The following CALCR variants were observed in gnomAD, a reference collection of about 807,000 sequenced individuals.
CALCR encodes the protein calcitonin receptor.
In CALCR, 47 loss-of-function variants were observed where a neutral mutation model predicts 59.5. The observed-to-expected ratio is 0.79, with a 90% CI of 0.63 to 1.01. The LOEUF (loss-of-function observed/expected upper bound fraction) is 1.01. Among genes scored for constraint, CALCR ranks in the 50% least tolerant of loss-of-function variants. The pLI, the probability that CALCR is intolerant of heterozygous loss-of-function variation, is 0.00. For synonymous variants in CALCR, 213 were observed against 211.3 expected (o/e 1.01, Z -0.07); for missense variants, 566 against 597.1 (o/e 0.95, Z 0.54).
At chr7:93,564,186 C>T (rs1175526232) in intron 2 of CALCR, among the ~76,000 whole-genome samples, 2 of 151,924 alleles carry the variant, frequency 1.3e-5, no homozygotes, top group African/African-American at 4.8e-5. Context: ...AGTGCCAACA[C>T]TATCATTTAA....
chr7:93,534,785 C>A (rs559405269), intron 2 of CALCR, among the ~76,000 whole-genome samples: 5 of 151,640 alleles, frequency 3.3e-5, no homozygotes, highest in Admixed American at 2.6e-4. Flanking sequence ...AAACACACAG[C>A]TGTTACAAGA....
intron 2 of CALCR, among the ~76,000 whole-genome samples, chr7:93,546,806 C>T (rs866641999): frequency 2.4e-4 from 37 of 152,038 alleles, no homozygotes; most frequent in African/African-American, 8.9e-4. Context: ...AGTGATCCAC[C>T]TGCCTTGGCC....
At chr7:93,480,507 C>T (rs559310330) in intron 3 of CALCR, among the ~76,000 whole-genome samples, 2 of 151,818 alleles carry the variant, frequency 1.3e-5, no homozygotes, top group South Asian at 4.1e-4. Flanking sequence ...TGAAGTTTCT[C>T]CAATTGTATT....
At chr7:93,430,740 T>C (rs1183258970) in intron 13 of CALCR, among the ~76,000 whole-genome samples, 1 of 152,178 alleles carries the variant, frequency 6.6e-6, no homozygotes, top group African/African-American at 2.4e-5. Context: ...TGGTTAGAAA[T>C]GCAAATTCTC....
rs4015274 is a variant in CALCR at position 93,475,542 on chromosome 7, GT to G, written c.316+2015del. Among the ~76,000 whole-genome samples, 15 of 149,942 alleles carry G rather than the reference GT, an allele frequency of 1.0e-4. 1 individual carries two copies. Among genetic ancestry groups the G allele is most frequent in the South Asian group, 8.4e-4 (4 of 4,776 alleles). ...TATATTTATTAGATTGCAGAAAGTA[GT>G]TTTTTTTTTAAATAAAATGAATGTA... is the stretch of plus-strand genomic sequence containing the variant. On this transcript the variant is annotated intron_variant, in intron 5 of 13. Coordinates refer to ENST00000426151, the MANE Select transcript of CALCR (RefSeq NM_001742.4).
At chr7:93,505,636 A>G (rs1005764138) in intron 2 of CALCR, among the ~76,000 whole-genome samples, 1 of 152,118 alleles carries the variant, frequency 6.6e-6, no homozygotes, top group African/African-American at 2.4e-5. Flanking sequence ...TCTTATCTCC[A>G]CTATAATACG....
chr7:93,503,652 T>C (rs1801369198), intron 2 of CALCR, among the ~76,000 whole-genome samples: 1 of 152,176 alleles, frequency 6.6e-6, no homozygotes, highest in Non-Finnish European at 1.5e-5. Flanking sequence ...TTTTGTGCAC[T>C]GTTGCTGATA....
Position 93,427,690 on chromosome 7 carries a change from A to C in CALCR, c.1192-1101T>G, listed in dbSNP as rs372001110. ...GATGAGAAAAATGACAGCAAAACTG[A>C]TTAATGTTATAAAACTATATGTATA... On this transcript the variant is annotated intron_variant, in intron 13 of 13. Coordinates refer to ENST00000426151, the MANE Select transcript of CALCR (RefSeq NM_001742.4). Among the ~76,000 whole-genome samples, 38 of 152,286 alleles carry C rather than the reference A, an allele frequency of 2.5e-4. No homozygotes were observed. The South Asian group carries it at 6.8e-3, about 27-fold the overall frequency.
chr7:93,527,142 A>G (rs1788676440), intron 2 of CALCR, among the ~76,000 whole-genome samples: 1 of 151,938 alleles, frequency 6.6e-6, no homozygotes, highest in African/African-American at 2.4e-5. Context: ...GATTCACTCA[A>G]TAACATATCT....
chr7:93,456,571 C>G (rs1038785806), intron 8 of CALCR, among the ~76,000 whole-genome samples: 1 of 152,006 alleles, frequency 6.6e-6, no homozygotes, highest in Non-Finnish European at 1.5e-5. Flanking sequence ...AGATATGTTT[C>G]CAAAATAGTA....
chr7:93,531,703 C>T (rs1464068022), intron 2 of CALCR, among the ~76,000 whole-genome samples: 2 of 151,958 alleles, frequency 1.3e-5, no homozygotes, highest in African/African-American at 4.8e-5. Flanking sequence ...GTTTCCATGT[C>T]AACAATGCCA....
At chr7:93,527,024 T>C (rs1031809684) in intron 2 of CALCR, among the ~76,000 whole-genome samples, 5 of 152,032 alleles carry the variant, frequency 3.3e-5, no homozygotes, top group African/African-American at 1.2e-4. Context: ...TTTTTCTTCA[T>C]ACCTGATCTC....
intron 3 of CALCR, among the ~76,000 whole-genome samples, chr7:93,483,405 CTG>C (rs1800844731): frequency 1.4e-5 from 2 of 140,774 alleles, no homozygotes; most frequent in East Asian, 4.1e-4. Context: ...AGAGGGCTGA[CTG>C]TATAGATAGA....
At chr7:93,544,892 T>C (rs1789244349) in intron 2 of CALCR, among the ~76,000 whole-genome samples, 1 of 152,162 alleles carries the variant, frequency 6.6e-6, no homozygotes, top group African/African-American at 2.4e-5. Context: ...TTCATGCTGC[T>C]CATGGCTCAT....
chr7:93,560,915 T>C (rs925257599), intron 2 of CALCR, among the ~76,000 whole-genome samples: 2 of 152,160 alleles, frequency 1.3e-5, no homozygotes, highest in Non-Finnish European at 2.9e-5. Flanking sequence ...GTTGTAGTTT[T>C]CTCAATTGTA....
intron 2 of CALCR, among the ~76,000 whole-genome samples, chr7:93,531,531 C>G (rs939031464): frequency 9.2e-5 from 14 of 152,098 alleles, no homozygotes; most frequent in African/African-American, 3.1e-4. Flanking sequence ...AATTGTCAAT[C>G]TAGAGAGCTA....
At chr7:93,552,353 C>T (rs189357885) in intron 2 of CALCR, among the ~76,000 whole-genome samples, 1 of 152,300 alleles carries the variant, frequency 6.6e-6, no homozygotes, top group East Asian at 1.9e-4. Context: ...GGAGATGGAA[C>T]TCGGGTGTCC....
At chr7:93,509,401 C>A (rs1051035419) in intron 2 of CALCR, among the ~76,000 whole-genome samples, 1 of 151,980 alleles carries the variant, frequency 6.6e-6, no homozygotes, top group African/African-American at 2.4e-5. Context: ...AATAGGCTTC[C>A]TAAGTCAAAT....
chr7:93,468,662 G>T, intron 7 of CALCR, 53 bp downstream of exon 7: 1 of 1,279,834 alleles, frequency 7.8e-7, no homozygotes, highest in Non-Finnish European at 1.1e-6. Context: ...TTCACCATTC[G>T]TTTCAGTAAC....
Sources: gnomAD v4.1 joint callset for allele counts (sites outside exome capture counted in the v4.1 genomes callset) on GRCh38, gnomAD v4.1.1 for gene constraint, MANE v1.5 for transcripts, NCBI Gene and HGNC (gene_info 2026-07-23, HGNC 2026-07-21) for gene names.